Variants in CELSR2 observed in about 807,000 individuals in gnomAD.
CELSR2 encodes EGF-like protein 2.
Under a neutral mutation model 251.6 loss-of-function variants are expected in CELSR2, and 81 were observed. The ratio of observed to expected loss-of-function variants is 0.32; its 90% confidence interval spans 0.27 to 0.39. CELSR2 has a LOEUF of 0.39. Among genes scored for constraint, CELSR2 ranks in the 10% least tolerant of loss-of-function variants. CELSR2 has a pLI of 1.00. For synonymous variants in CELSR2, 1,721 were observed against 1,670.5 expected (o/e 1.03, Z -0.74); for missense variants, 3,365 against 3,947.7 (o/e 0.85, Z 3.96).
intron 33 of CELSR2, 174 bp downstream of exon 33, chr1:109,273,844 G>T: frequency 9.5e-7 from 1 of 1,049,302 alleles, no homozygotes. Context: ...GCCTTGCGGG[G>T]AGGGCCACCC....
chr1:109,250,370 C>T lies in CELSR2; in HGVS notation c.291C>T (p.Ser97=), dbSNP rs1233237688. 2 of 1,613,514 alleles carry T rather than the reference C, an allele frequency of 1.2e-6. No individual in the cohort carries two copies. Among genetic ancestry groups the T allele is most frequent in the African/African-American group, 1.3e-5 (1 of 75,052 alleles). Residue 97 remains serine (S), a synonymous_variant, in exon 1 of 34, where the codon TCC becomes TCT. Transcript: ENST00000271332. The surrounding 1 kb of genome is among the most constrained non-coding windows in gnomAD (Gnocchi z 4.4). ...HDGLRVWCPE[S]EAHIPLPPAP... is the part of the protein sequence containing the mutation. ...GCCTGAGGGTTTGGTGTCCAGAATC[C>T]GAGGCCCATATTCCCCTACCACCAG... is the stretch of plus-strand genomic sequence containing the variant.
rs72975228 is a variant in CELSR2, at chr1:109,270,421, C to T, written c.7309-5C>T. The T allele has an allele frequency of 7.6e-4, 1,225 of 1,614,110 alleles. 8 individuals carry two copies. In the African/African-American group the frequency reaches 0.014, roughly 18 times the overall value. ...TCGCTGACCTGCCCTGGCCTGGGCCCTCAGTTTGCCTGCACAGTCATTGCC... is the reference window on the plus strand; with the variant it reads ...TCGCTGACCTGCCCTGGCCTGGGCCTTCAGTTTGCCTGCACAGTCATTGCC... On this transcript the variant is annotated splice_polypyrimidine_tract_variant and splice_region_variant and intron_variant, in intron 23 of 33. Transcript: ENST00000271332.
intron 2 of CELSR2, among the ~76,000 whole-genome samples, chr1:109,260,621 G>T (rs1369722575): frequency 1.3e-5 from 2 of 152,148 alleles, no homozygotes; most frequent in African/African-American, 2.4e-5. Flanking sequence ...TGTCCTGCAG[G>T]CCCATCTGCT....
intron 33 of CELSR2, 30 bp from the exon 34 acceptor site, chr1:109,273,992 T>G (rs774150199): frequency 6.2e-7 from 1 of 1,613,828 alleles, no homozygotes; most frequent in Admixed American, 1.7e-5. Flanking sequence ...TGTCTGCCTT[T>G]TCTGCCACTT....
chr1:109,265,994 G>A (rs1656176160), intron 14 of CELSR2, 76 bp downstream of exon 14: 2 of 1,582,662 alleles, frequency 1.3e-6, no homozygotes, highest in South Asian at 2.3e-5. Context: ...GCCAGGAAGG[G>A]GCTGGTTGCA....
Position 109,251,839 on chromosome 1 carries a change from C to T in CELSR2, c.1760C>T (p.Thr587Ile), listed in dbSNP as rs745955841. The part of the protein sequence containing the change: ...SFGVEARDHG[T>I]PALTASASVS... ...GGGGTAGAAGCTCGAGACCATGGCA[C>T]TCCAGCACTCACTGCCTCGGCCAGT... The change falls in exon 1 of 34, where the codon ACT (threonine) becomes ATT (isoleucine). Residue 587 changes from threonine (T) to isoleucine (I), a missense_variant. Around this residue, in one of 5 missense-constraint regions of CELSR2, gnomAD observed 704 missense variants for 784.1 expected, o/e 0.90. Coordinates refer to ENST00000271332, the MANE Select transcript of CELSR2 (RefSeq NM_001408.3). The surrounding 1 kb of genome is among the most constrained non-coding windows in gnomAD (Gnocchi z 4.9). 6.2e-7 allele frequency: 1 copy of T among 1,614,138 alleles called. No individual in the cohort carries two copies. The highest frequency in any genetic ancestry group is 1.7e-5 in the Admixed American group (1 of 60,022).
intron 11 of CELSR2, 67 bp from the exon 12 acceptor site, chr1:109,264,801 G>T: frequency 6.2e-7 from 1 of 1,610,780 alleles, no homozygotes; most frequent in East Asian, 2.2e-5. Context: ...AACAGATGAA[G>T]GGTTTGATGG....
Position 109,272,702 on chromosome 1 carries a change from T to A in CELSR2, c.8117T>A (p.Phe2706Tyr). 1 of 1,613,176 alleles carries A rather than the reference T, an allele frequency of 6.2e-7. No individual in the cohort carries two copies. Among genetic ancestry groups the A allele is most frequent in the Non-Finnish European group, 8.5e-7 (1 of 1,179,712 alleles). Reference protein sequence around the residue: ...PPGLGDPGSLFLEGQDQQHDP... With the variant: ...PPGLGDPGSLYLEGQDQQHDP... ...GGCCTGGGGGATCCAGGCAGCCTGT[T>A]CCTGGAAGGTCAAGACCAGCAGCAT... Residue 2706 changes from phenylalanine to tyrosine, a missense_variant, in exon 30 of 34, where the codon TTC (phenylalanine) becomes TAC (tyrosine). Phe to Tyr is a conservative substitution (Grantham distance 22). Coordinates refer to ENST00000271332, the MANE Select transcript of CELSR2 (RefSeq NM_001408.3).
chr1:109,272,763 A>G (rs1219704077), intron 30 of CELSR2, 35 bp downstream of exon 30: 1 of 1,612,548 alleles, frequency 6.2e-7, no homozygotes, highest in Non-Finnish European at 8.5e-7. Context: ...CCAGCAGGGC[A>G]GTTGGCTGGC....
At position 109,269,381 on chromosome 1, in the gene CELSR2, T is replaced by C. The variant is rs1412427316; in HGVS notation, c.6813-43T>C. The C allele has an allele frequency of 6.8e-6, 11 of 1,610,444 alleles. No individual in the cohort carries two copies. Among genetic ancestry groups the C allele is most frequent in the African/African-American group, 5.3e-5 (4 of 74,830 alleles). ...GGGGTCGGGGGCGTCTCCCCAGTCA[T>C]GTGACTGCCGTGGTGACTGTGCACC... is the stretch of plus-strand genomic sequence containing the variant. On this transcript the variant is annotated intron_variant, in intron 20 of 33. Transcript: ENST00000271332. The surrounding 1 kb of genome is among the most constrained non-coding windows in gnomAD (Gnocchi z 6.4).
rs1204155132 is a variant in CELSR2, at chr1:109,268,689, G to A, written c.6427G>A (p.Ala2143Thr). The A allele has an allele frequency of 3.1e-6, 5 of 1,614,010 alleles. No homozygotes were observed. The East Asian group carries it at 8.9e-5, about 29-fold the overall frequency. The stretch of plus-strand genomic sequence containing the variant: ...CGCCTGGCTGCTCCAGCACTATGAG[G>A]CCTACGCCAGTGCCCTGGCCCAGAA... The part of the protein sequence containing the change: ...GTAWLLQHYE[A>T]YASALAQNMR... Residue 2143 changes from alanine (A) to threonine (T), a missense_variant, in exon 18 of 34, where the codon GCC becomes ACC. This residue lies in a region of CELSR2 where 2,093 missense variants were observed against 2,382.8 expected (regional missense o/e 0.88). Transcript: ENST00000271332.
At chr1:109,266,960 A>C (rs1313601970) in intron 15 of CELSR2, among the ~76,000 whole-genome samples, 1 of 151,486 alleles carries the variant, frequency 6.6e-6, no homozygotes, top group East Asian at 1.9e-4. Context: ...TGACCTTGTG[A>C]TCAGCCCGCC....
chr1:109,273,883 C>T (rs1245885243), intron 33 of CELSR2, 139 bp from the exon 34 acceptor site: 2 of 1,284,550 alleles, frequency 1.6e-6, no homozygotes, highest in East Asian at 2.3e-5. Flanking sequence ...CGCAGCCCAG[C>T]CTAGGGCAGA....
rs1302202571 is a variant in CELSR2, at chr1:109,251,604, C to T, written c.1525C>T (p.Pro509Ser). 1 of 1,613,874 alleles carries T rather than the reference C, an allele frequency of 6.2e-7. No homozygotes were observed. The highest frequency in any genetic ancestry group is 1.7e-5 in the Admixed American group (1 of 60,022). Residue 509 changes from proline (P) to serine (S), a missense_variant, in exon 1 of 34, where the codon CCT (proline) becomes TCT (serine). Physicochemically the swap from Pro to Ser is moderately conservative, Grantham distance 74. Transcript: ENST00000271332. The surrounding 1 kb of genome is among the most constrained non-coding windows in gnomAD (Gnocchi z 4.9). ...NDNAPIFVST[P>S]FQATVLESVP... ...CAATGCCCCCATCTTCGTCAGCACC[C>T]CTTTCCAGGCTACTGTCCTGGAGAG...
rs758729822 is a variant in CELSR2, at chr1:109,252,836, T to C, written c.2757T>C (p.Pro919=). The part of the protein sequence containing the change: ...VTVLDVNDNP[P]VFEQDEFDVF... ...TGTTGGATGTGAATGACAATCCCCC[T>C]GTCTTTGAGCAGGATGAGTTTGATG... The change falls in exon 1 of 34, where the codon CCT becomes CCC. Residue 919 remains proline (P), a synonymous_variant. Coordinates refer to ENST00000271332, the MANE Select transcript of CELSR2 (RefSeq NM_001408.3). This position sits in a 1 kb window ranked among gnomAD's most constrained non-coding sequence, Gnocchi z 4.8. The C allele has an allele frequency of 1.2e-6, 2 of 1,613,970 alleles. No individual in the cohort carries two copies. Among genetic ancestry groups the C allele is most frequent in the South Asian group, 2.2e-5 (2 of 91,068 alleles).
rs1656124224 is a variant in CELSR2 at position 109,264,286 on chromosome 1, T to C, written c.5210T>C (p.Leu1737Pro). Residue 1737 changes from leucine (L) to proline (P), a missense_variant, in exon 10 of 34, where the codon CTG becomes CCG. By Grantham distance (98) the Leu-to-Pro change is moderately conservative (BLOSUM62 -3). Around this residue, in one of 5 missense-constraint regions of CELSR2, gnomAD observed 2,093 missense variants for 2,382.8 expected, o/e 0.88. Coordinates refer to ENST00000271332, the MANE Select transcript of CELSR2 (RefSeq NM_001408.3). Reference protein sequence around the residue: ...EGNLGPRLHGLHLSNITVGGI... With the variant: ...EGNLGPRLHGPHLSNITVGGI... ...AACCTGGGCCCCCGGCTGCATGGTCTGCACCTGAGCAACATAACAGTGGGC... is the reference window on the plus strand; with the variant it reads ...AACCTGGGCCCCCGGCTGCATGGTCCGCACCTGAGCAACATAACAGTGGGC... 1 of 1,613,872 alleles carries C rather than the reference T, an allele frequency of 6.2e-7. No homozygotes were observed. The highest frequency in any genetic ancestry group is 1.3e-5 in the African/African-American group (1 of 74,936).
At chr1:109,255,772 G>A (rs1021687229) in intron 1 of CELSR2, among the ~76,000 whole-genome samples, 5 of 152,228 alleles carry the variant, frequency 3.3e-5, no homozygotes, top group South Asian at 2.1e-4. Flanking sequence ...GCACCTGAGG[G>A]GTGACCTAGG....
chr1:109,263,064 G>A (rs1481043820), intron 7 of CELSR2, 78 bp from the exon 8 acceptor site: 3 of 1,580,974 alleles, frequency 1.9e-6, no homozygotes, highest in East Asian at 2.3e-5. Context: ...GGTCTCAGAG[G>A]CCTCTCTAAC....
Position 109,265,734 on chromosome 1 carries a change from G to T in CELSR2, c.5728-1G>T. The T allele has an allele frequency of 6.2e-7, 1 of 1,607,242 alleles. No homozygotes were observed. The highest frequency in any genetic ancestry group is 8.5e-7 in the Non-Finnish European group (1 of 1,174,478). On this transcript the variant is annotated splice_acceptor_variant, in intron 13 of 33. Transcript: ENST00000271332. LOFTEE classifies it high-confidence loss of function. The stretch of plus-strand genomic sequence containing the variant: ...GACACCGTTCTTCCCTCCTTTCTCA[G>T]GAGAACCACTACCGGCCCCCAGGCA...
Sources: gnomAD v4.1 joint callset for allele counts (sites outside exome capture counted in the v4.1 genomes callset) on GRCh38, gnomAD v4.1.1 for gene constraint, gnomAD v4.1.1 regional missense constraint, Gnocchi (gnomAD v3.1) non-coding constraint, MANE v1.5 for transcripts, NCBI Gene and HGNC (gene_info 2026-07-23, HGNC 2026-07-21) for gene names.